ARF4: variants seen among roughly 807,000 people sequenced by gnomAD.
ARF4 encodes the protein ADP-ribosylation factor 4.
ARF4 carries 5 observed loss-of-function variants against 24.3 expected under a neutral mutation model. The ratio of observed to expected loss-of-function variants is 0.21; its 90% CI spans 0.11 to 0.43. The LOEUF (loss-of-function observed/expected upper bound fraction) is 0.43, where lower values mean the gene tolerates loss of function less well. ARF4 is among the 20% of genes least tolerant of loss of function. ARF4 has a pLI of 1.00. For synonymous variants in ARF4, 62 were observed against 73.5 expected, an observed-to-expected ratio of 0.84 and a Z score of 0.80; for missense variants, 107 against 213.0, an observed-to-expected ratio of 0.50 and a Z score of 3.10.
chr3:57,576,106 A>G (rs1221133688), intron 4 of ARF4, among the ~76,000 whole-genome samples: 1 of 152,176 alleles, frequency 6.6e-6, no homozygotes, highest in African/African-American at 2.4e-5. Context: ...CAATAACACA[A>G]TTATCTGGGT....
chr3:57,575,745 A>C, intron 4 of ARF4, 72 bp from the exon 5 acceptor site: 1 of 1,456,504 alleles, frequency 6.9e-7, no homozygotes, highest in Non-Finnish European at 9.2e-7. Flanking sequence ...TCCTATATAT[A>C]CTTTACTCAG....
chr3:57,596,989 AG>A, intron 1 of ARF4, 84 bp downstream of exon 1: 1 of 1,285,208 alleles, frequency 7.8e-7, no homozygotes, highest in Non-Finnish European at 1.1e-6. Flanking sequence ...CAGCGGGCGG[AG>A]GAAAAAAACA....
intron 5 of ARF4, among the ~76,000 whole-genome samples, chr3:57,573,555 G>A (rs925863575): frequency 6.6e-6 from 1 of 152,154 alleles, no homozygotes; most frequent in Non-Finnish European, 1.5e-5. Flanking sequence ...ATCATTTACA[G>A]TTAGTGTTGC....
Position 57,596,957 on chromosome 3 carries a change from AC to A in ARF4, c.67+116del. 1.8e-6 allele frequency: 2 copies of A among 1,136,740 alleles called. 1 individual carries two copies. The highest frequency in any genetic ancestry group is 2.8e-5 in the South Asian group (2 of 71,492). The allele number at this position is 1,136,740 out of a possible 1,614,324, so 70.4% of individuals were successfully genotyped here. A position where few individuals can be genotyped will look rare whatever the true frequency, so the allele number is the denominator to read the frequency against. ...CCTTAAGAATTCCTTCCGACCCCCG[AC>A]CCGGCGCCCCTCCCCCACCACAGCG... On this transcript the variant is annotated intron_variant, in intron 1 of 5. Coordinates refer to ENST00000303436, the MANE Select transcript of ARF4 (RefSeq NM_001660.4).
chr3:57,578,900 C>G (rs2069938086), intron 3 of ARF4, among the ~76,000 whole-genome samples: 1 of 147,458 alleles, frequency 6.8e-6, no homozygotes, highest in Non-Finnish European at 1.5e-5. Context: ...AGGGGGGGGG[C>G]AAAAATAAAA....
In ARF4 at chr3:57,586,410, A is replaced by T. The variant is rs371076047; in HGVS notation, c.68-1946T>A. On this transcript the variant is annotated intron_variant, in intron 1 of 5. Coordinates refer to ENST00000303436, the MANE Select transcript of ARF4 (RefSeq NM_001660.4). Reference sequence around the variant, plus strand: ...TATGCAAGTAAGTCTATCTTTTATCAGTTAGTCCAAAACAGAAGCGAAGGC... The same window carrying T: ...TATGCAAGTAAGTCTATCTTTTATCTGTTAGTCCAAAACAGAAGCGAAGGC... 7.9e-5 allele frequency among the ~76,000 whole-genome samples: 12 copies of T among 152,344 alleles called. No homozygotes were observed. In the East Asian group the frequency reaches 1.7e-3, roughly 22 times the overall value.
At chr3:57,582,751 A>ATT (rs10681972) in intron 3 of ARF4, among the ~76,000 whole-genome samples, 58,388 of 128,488 alleles carry the variant, frequency 0.45, 12,577 homozygotes, top group South Asian at 0.65. Flanking sequence ...ACTTAAAAAA[A>ATT]ATTATTAAGT....
chr3:57,577,345 G>T lies in ARF4; in HGVS notation c.301C>A (p.Gln101Lys). ...TTCTGCAGCTCATCTGCTACTTCCTGAATTCTTTCACGATCGTTGCTATCT... is the reference window on the plus strand; with the variant it reads ...TTCTGCAGCTCATCTGCTACTTCCTTAATTCTTTCACGATCGTTGCTATCT... ...VVDSNDRERI[Q>K]EVADELQKML... Residue 101 changes from glutamine to lysine, a missense_variant, in exon 4 of 6, where the codon CAG becomes AAG. Transcript: ENST00000303436. The T allele has an allele frequency of 6.2e-7, 1 of 1,613,580 alleles. No homozygotes were observed. Among genetic ancestry groups the T allele is most frequent in the African/African-American group, 1.3e-5 (1 of 75,010 alleles).
chr3:57,575,759 T>A, intron 4 of ARF4, 86 bp from the exon 5 acceptor site: 1 of 1,357,306 alleles, frequency 7.4e-7, no homozygotes, highest in Non-Finnish European at 9.9e-7. Context: ...TACTCAGCAT[T>A]AAATACATTA....
intron 1 of ARF4, among the ~76,000 whole-genome samples, chr3:57,585,471 T>C (rs556620791): frequency 1.8e-4 from 28 of 152,286 alleles, no homozygotes; most frequent in African/African-American, 6.7e-4. Flanking sequence ...AACCAAAGTC[T>C]GATTAACCTG....
chr3:57,579,783 T>C (rs1343352289), intron 3 of ARF4, among the ~76,000 whole-genome samples: 1 of 152,166 alleles, frequency 6.6e-6, no homozygotes, highest in Non-Finnish European at 1.5e-5. Flanking sequence ...CTATACCACC[T>C]GGAAAACCAT....
Position 57,597,215 on chromosome 3 carries a change from C to A in ARF4, c.-75G>T. 7.1e-7 allele frequency: 1 copy of A among 1,407,408 alleles called. No homozygotes were observed. The highest frequency in any genetic ancestry group is 2.3e-5 in the East Asian group (1 of 42,728). 87.2% of individuals were successfully genotyped at this position (1,407,408 alleles called of 1,614,324 possible). ...CCCCGTGCTTTCTCCTTTCAAGCTC[C>A]CAGGCAAACTAAACGAGAGGGAAGA... On this transcript the variant is annotated 5_prime_UTR_variant, in exon 1 of 6. Transcript: ENST00000303436.
rs774921746 is a variant in ARF4, at chr3:57,594,578, T to G, written c.67+2496A>C. Among the ~76,000 whole-genome samples the G allele has an allele frequency of 3.9e-5, 6 of 152,368 alleles. No homozygotes were observed. In the South Asian group the frequency reaches 1.0e-3, roughly 26 times the overall value. On this transcript the variant is annotated intron_variant, in intron 1 of 5. Transcript: ENST00000303436. ...TATCTTTTAAAGTTACTTGAACTTT[T>G]GAAGAACAGCAGGTGTACGAATTAA...
intron 2 of ARF4, 176 bp from the exon 3 acceptor site, chr3:57,584,183 G>A (rs1407911533): frequency 8.6e-6 from 6 of 699,790 alleles, no homozygotes; most frequent in Non-Finnish European, 1.2e-5. Flanking sequence ...GGCTGGTCTT[G>A]AACTCCTGGG....
In ARF4 at chr3:57,597,158, T is replaced by C. The variant is rs888024466; in HGVS notation, c.-18A>G. ...AGGCCCATGGCGGTAGTGGCACTTG[T>C]GATGGGCAGAAGCAGAAGGGGTTTG... On this transcript the variant is annotated 5_prime_UTR_variant, in exon 1 of 6. Coordinates refer to ENST00000303436, the MANE Select transcript of ARF4 (RefSeq NM_001660.4). 4.3e-6 allele frequency: 7 copies of C among 1,610,768 alleles called. No individual in the cohort carries two copies. The highest frequency in any genetic ancestry group is 1.3e-5 in the African/African-American group (1 of 74,950).
chr3:57,580,131 T>G (rs2069952199), intron 3 of ARF4, among the ~76,000 whole-genome samples: 1 of 152,084 alleles, frequency 6.6e-6, no homozygotes, highest in African/African-American at 2.4e-5. Context: ...GTTTGATGCT[T>G]TGGGAGCCAA....
intron 2 of ARF4, 120 bp downstream of exon 2, chr3:57,584,264 G>A (rs2070010179): frequency 9.6e-7 from 1 of 1,036,678 alleles, no homozygotes; most frequent in Non-Finnish European, 1.4e-6. Context: ...CACCCGGCCT[G>A]TTTTAAAAGT....
chr3:57,586,373 A>C (rs1416717287), intron 1 of ARF4, among the ~76,000 whole-genome samples: 4 of 152,226 alleles, frequency 2.6e-5, no homozygotes, highest in Admixed American at 6.5e-5. Flanking sequence ...TCACTTATCT[A>C]ATTTACATTC....
intron 3 of ARF4, among the ~76,000 whole-genome samples, chr3:57,581,297 C>A (rs1295397352): frequency 6.6e-6 from 1 of 152,092 alleles, no homozygotes; most frequent in African/African-American, 2.4e-5. Flanking sequence ...AAAGCTTTCC[C>A]CAGCTAGCAT....
Sources: allele counts gnomAD v4.1 joint callset (sites outside exome capture counted in the v4.1 genomes callset), GRCh38; gene constraint gnomAD v4.1.1; transcripts MANE v1.5; gene names NCBI Gene and HGNC (gene_info 2026-07-23, HGNC 2026-07-21).